HDAC9: variants seen among roughly 807,000 people sequenced by gnomAD.
The protein encoded by HDAC9 is histone deacetylase 9.
Under a neutral mutation model 139.4 loss-of-function variants are expected in HDAC9, and 41 were observed. The ratio of observed to expected loss-of-function variants is 0.29; its 90% CI spans 0.23 to 0.38. The LOEUF (loss-of-function observed/expected upper bound fraction) is 0.38. Ranked by LOEUF, HDAC9 falls within the 10% of genes least tolerant of loss-of-function variation. The pLI, the probability that HDAC9 is intolerant of heterozygous loss-of-function variation, is 1.00. For synonymous variants in HDAC9, 517 were observed against 476.2 expected, an observed-to-expected ratio of 1.09 and a Z score of -1.12; for missense variants, 1,147 against 1,297.0, an observed-to-expected ratio of 0.88 and a Z score of 1.78.
intron 1 of HDAC9, among the ~76,000 whole-genome samples, chr7:18,322,404 A>G (rs1800097429): frequency 6.6e-6 from 1 of 152,204 alleles, no homozygotes; most frequent in African/African-American, 2.4e-5. Context: ...TTACCATATC[A>G]GATATCACAG....
intron 2 of HDAC9, among the ~76,000 whole-genome samples, chr7:18,250,573 C>A (rs1348509542): frequency 6.6e-6 from 1 of 152,118 alleles, no homozygotes; most frequent in Non-Finnish European, 1.5e-5. Context: ...TGTATGTTTA[C>A]CACTTAGCTG....
intron 1 of HDAC9, among the ~76,000 whole-genome samples, chr7:18,316,745 A>G (rs1187352989): frequency 2.6e-5 from 4 of 151,626 alleles, no homozygotes; most frequent in Admixed American, 6.6e-5. Flanking sequence ...TGAGCCCAGG[A>G]GTTGGAGGTT....
intron 2 of HDAC9, among the ~76,000 whole-genome samples, chr7:18,216,089 T>C (rs1323089976): frequency 6.8e-6 from 1 of 146,694 alleles, no homozygotes; most frequent in Non-Finnish European, 1.5e-5. Flanking sequence ...TATGTGTGTA[T>C]GTGTGTGCCT....
intron 17 of HDAC9, among the ~76,000 whole-genome samples, chr7:18,824,551 A>T (rs1056648114): frequency 6.6e-6 from 1 of 152,220 alleles, no homozygotes; most frequent in African/African-American, 2.4e-5. Flanking sequence ...AGGATGCTTG[A>T]CATTGAAATC....
chr7:18,202,409 C>T (rs1791200659), intron 2 of HDAC9, among the ~76,000 whole-genome samples: 1 of 151,862 alleles, frequency 6.6e-6, no homozygotes, highest in African/African-American at 2.4e-5. Context: ...GATTTCTTGC[C>T]TTGTGGTGCA....
chr7:18,230,752 T>G (rs1793402310), intron 2 of HDAC9, among the ~76,000 whole-genome samples: 1 of 152,196 alleles, frequency 6.6e-6, no homozygotes, highest in African/African-American at 2.4e-5. Context: ...AACAAAACTC[T>G]TAAAAGTAGT....
At position 18,148,429 on chromosome 7, in the gene HDAC9, C is replaced by G. The variant is rs545267337; in HGVS notation, c.-96-13800C>G. Among the ~76,000 whole-genome samples the G allele has an allele frequency of 3.4e-4, 52 of 152,282 alleles. 1 individual carries two copies. In the South Asian group the frequency reaches 1.0e-2, roughly 29 times the overall value. On this transcript the variant is annotated intron_variant, in intron 1 of 12. Transcript: ENST00000417496. The stretch of plus-strand genomic sequence containing the variant: ...TAGGCACATCTCCACTTCTGCCTGA[C>G]TGTATTCTGCCTCTCCCTTCTACTT...
intron 17 of HDAC9, among the ~76,000 whole-genome samples, chr7:18,820,869 G>C (rs779632719): frequency 1.8e-4 from 27 of 152,140 alleles, no homozygotes; most frequent in Admixed American, 8.5e-4. Flanking sequence ...AGAAATCGGG[G>C]TTGGCAAATC....
chr7:18,386,266 C>A (rs1200303862), intron 1 of HDAC9, among the ~76,000 whole-genome samples: 2 of 152,160 alleles, frequency 1.3e-5, no homozygotes, highest in African/African-American at 4.8e-5. Context: ...GCACCCTGGG[C>A]ACCTGCATCA....
chr7:18,116,190 A>T (rs1473018603), intron 1 of HDAC9, among the ~76,000 whole-genome samples: 1 of 152,202 alleles, frequency 6.6e-6, no homozygotes, highest in African/African-American at 2.4e-5. Flanking sequence ...ATATAACCAT[A>T]ATTTAGATTA....
intron 2 of HDAC9, among the ~76,000 whole-genome samples, chr7:18,237,591 G>GAGTT (rs1793907584): frequency 6.6e-6 from 1 of 152,162 alleles, no homozygotes; most frequent in African/African-American, 2.4e-5. Context: ...GCACACTAGG[G>GAGTT]AGTTAATGGT....
Position 19,000,590 on chromosome 7 carries a change from T to C in HDAC9, c.*4528T>C, listed in dbSNP as rs370271978. On this transcript the variant is annotated 3_prime_UTR_variant, in exon 26 of 26. Coordinates refer to ENST00000686413, the MANE Select transcript of HDAC9 (RefSeq NM_178425.4). The stretch of plus-strand genomic sequence containing the variant: ...ACATTAAATACAATTAAGTCCGTTA[T>C]TACTATGCTGGAAATAACTAGGTCA... 1 of 152,242 alleles carries C rather than the reference T, an allele frequency of 6.6e-6. No individual in the cohort carries two copies. The allele number at this position is 152,242 out of a possible 1,614,324, so 9.4% of individuals were successfully genotyped here. A position where few individuals can be genotyped will look rare whatever the true frequency, so the allele number is the denominator to read the frequency against.
At chr7:18,488,397 A>T (rs941501615) in intron 1 of HDAC9, among the ~76,000 whole-genome samples, 4 of 152,042 alleles carry the variant, frequency 2.6e-5, no homozygotes, top group African/African-American at 9.7e-5. Flanking sequence ...CTAATGCAAA[A>T]TGATGTTAAG....
chr7:18,563,853 T>G (rs1252846786), intron 2 of HDAC9, among the ~76,000 whole-genome samples: 1 of 151,524 alleles, frequency 6.6e-6, no homozygotes, highest in Admixed American at 6.6e-5. Context: ...TTTTTTTTTT[T>G]TGAGACGGAT....
intron 2 of HDAC9, among the ~76,000 whole-genome samples, chr7:18,203,954 A>G (rs1320329091): frequency 2.0e-5 from 3 of 152,184 alleles, no homozygotes; most frequent in Non-Finnish European, 2.9e-5. Flanking sequence ...AAAGCTATGT[A>G]TGAGCTTTCA....
At chr7:18,438,497 A>G (rs758859452) in intron 1 of HDAC9, among the ~76,000 whole-genome samples, 3 of 152,202 alleles carry the variant, frequency 2.0e-5, no homozygotes, top group Non-Finnish European at 4.4e-5. Context: ...AGACTCATGC[A>G]TGTAGAGTTT....
intron 8 of HDAC9, among the ~76,000 whole-genome samples, chr7:18,642,999 C>G (rs1244672830): frequency 1.3e-5 from 2 of 152,086 alleles, no homozygotes; most frequent in East Asian, 3.9e-4. Context: ...TTTTTCCACA[C>G]TTATTTTCTC....
intron 24 of HDAC9, among the ~76,000 whole-genome samples, chr7:18,968,401 C>A (rs955569327): frequency 6.6e-6 from 1 of 151,518 alleles, no homozygotes; most frequent in Non-Finnish European, 1.5e-5. Context: ...GCCCTTTGAT[C>A]AGAAACAAGA....
chr7:18,494,786 G>C (rs1345673941), upstream of HDAC9, among the ~76,000 whole-genome samples: 1 of 151,790 alleles, frequency 6.6e-6, no homozygotes, highest in Non-Finnish European at 1.5e-5. Context: ...AGTCATAGTT[G>C]GGTACTAACC....
Sources: allele counts gnomAD v4.1 joint callset (sites outside exome capture counted in the v4.1 genomes callset), GRCh38; gene constraint gnomAD v4.1.1; transcripts MANE v1.5; gene names NCBI Gene and HGNC (gene_info 2026-07-23, HGNC 2026-07-21).